Variants in SGF29 observed in about 807,000 individuals in gnomAD.
The protein encoded by SGF29 is SAGA complex associated factor 29.
In SGF29, 15 loss-of-function variants were observed where a neutral mutation model predicts 38.1. The ratio of observed to expected loss-of-function variants is 0.39; its 90% CI spans 0.26 to 0.61. SGF29 has a LOEUF of 0.61. Ranked by LOEUF, SGF29 falls within the 20% of genes least tolerant of loss-of-function variation. The pLI is 0.49. For missense variants in SGF29, 184 were observed against 394.6 expected, an observed-to-expected ratio of 0.47 and a Z score of 4.52; for synonymous variants, 151 against 160.8, an observed-to-expected ratio of 0.94 and a Z score of 0.46.
At chr16:28,564,596 C>CGT (rs1567285705) in intron 1 of SGF29, among the ~76,000 whole-genome samples, 134 of 109,086 alleles carry the variant, frequency 1.2e-3, no homozygotes, top group African/African-American at 4.1e-3. Context: ...TATATACACA[C>CGT]ATATATGTGT....
At chr16:28,569,802 C>G (rs1002319867) in intron 1 of SGF29, among the ~76,000 whole-genome samples, 1 of 152,156 alleles carries the variant, frequency 6.6e-6, no homozygotes, top group African/African-American at 2.4e-5. Context: ...GGGCTGTCAC[C>G]CCCATCACAG....
At chr16:28,575,416 C>T (rs1305663504) in intron 1 of SGF29, among the ~76,000 whole-genome samples, 1 of 152,240 alleles carries the variant, frequency 6.6e-6, no homozygotes, top group African/African-American at 2.4e-5. Flanking sequence ...CACGGTGGCT[C>T]ACACCTATAA....
chr16:28,588,570 C>CTT, intron 4 of SGF29: 49 of 348,190 alleles, frequency 1.4e-4, no homozygotes, highest in East Asian at 2.6e-4. Context: ...TTCCAGTTTT[C>CTT]TTTTTTTTTT....
chr16:28,566,934 T>A (rs1368109859), intron 1 of SGF29, among the ~76,000 whole-genome samples: 5 of 152,162 alleles, frequency 3.3e-5, no homozygotes, highest in Non-Finnish European at 7.3e-5. Context: ...CCTCCCAAAC[T>A]GCTGCAATTA....
intron 1 of SGF29, among the ~76,000 whole-genome samples, chr16:28,560,244 T>A (rs2046778617): frequency 7.0e-6 from 1 of 143,248 alleles, no homozygotes; most frequent in Non-Finnish European, 1.5e-5. Flanking sequence ...ACCACGAAAA[T>A]TTTAAAATAT....
chr16:28,585,553 G>C, intron 3 of SGF29, 95 bp from the exon 4 acceptor site: 3 of 1,139,036 alleles, frequency 2.6e-6, no homozygotes, highest in South Asian at 1.2e-5. Context: ...CGGCCTCTCT[G>C]TGCCTCCACG....
At chr16:28,561,607 T>A (rs188210642) in intron 1 of SGF29, among the ~76,000 whole-genome samples, 82 of 152,184 alleles carry the variant, frequency 5.4e-4, no homozygotes, top group Non-Finnish European at 9.1e-4. Context: ...TCTAAGTCAG[T>A]GGGAACACGA....
intron 9 of SGF29, 127 bp downstream of exon 9, chr16:28,591,062 C>T: frequency 8.4e-7 from 1 of 1,195,464 alleles, no homozygotes; most frequent in Non-Finnish European, 1.1e-6. Context: ...ACAGGACCCA[C>T]CAGCTGCCCT....
Position 28,591,580 on chromosome 16 carries a change from T to C in SGF29, c.766-10T>C. 1 of 1,601,670 alleles carries C rather than the reference T, an allele frequency of 6.2e-7. No homozygotes were observed. The stretch of plus-strand genomic sequence containing the variant: ...CTCTGAGCAGCCCCTCCTGTCTGCC[T>C]GCCCCACAGCCCCAGGATGACTACT... On this transcript the variant is annotated splice_polypyrimidine_tract_variant and intron_variant, in intron 9 of 9. Coordinates refer to ENST00000317058, the MANE Select transcript of SGF29 (RefSeq NM_138414.3).
chr16:28,567,489 G>T (rs1053178178), intron 1 of SGF29, among the ~76,000 whole-genome samples: 2 of 152,128 alleles, frequency 1.3e-5, no homozygotes, highest in African/African-American at 4.8e-5. Flanking sequence ...AAGACAAATT[G>T]GTACCAGAAG....
intron 2 of SGF29, among the ~76,000 whole-genome samples, chr16:28,583,145 T>A (rs1051461888): frequency 2.0e-5 from 3 of 152,250 alleles, no homozygotes; most frequent in Non-Finnish European, 4.4e-5. Flanking sequence ...AGGCACCCAG[T>A]GTAACTGACC....
chr16:28,563,919 G>C (rs1269573365), intron 1 of SGF29, among the ~76,000 whole-genome samples: 1 of 151,942 alleles, frequency 6.6e-6, no homozygotes, highest in Non-Finnish European at 1.5e-5. Context: ...GCTAATTTTT[G>C]TATTTTTAGT....
intron 1 of SGF29, among the ~76,000 whole-genome samples, chr16:28,575,519 A>G (rs145645032): frequency 6.6e-6 from 1 of 152,100 alleles, no homozygotes; most frequent in African/African-American, 2.4e-5. Flanking sequence ...TGTCTCTACT[A>G]AAAGAAATAC....
intron 2 of SGF29, among the ~76,000 whole-genome samples, chr16:28,583,396 C>G (rs2046937948): frequency 6.6e-6 from 1 of 152,186 alleles, no homozygotes; most frequent in East Asian, 1.9e-4. Flanking sequence ...CCCCCCAACC[C>G]CAATCCATTC....
chr16:28,564,645 G>GTA (rs571636951), intron 1 of SGF29, among the ~76,000 whole-genome samples: 4,189 of 100,900 alleles, frequency 0.042, 203 homozygotes, highest in African/African-American at 0.064. Context: ...GTATATATGT[G>GTA]TATATATACG....
intron 2 of SGF29, among the ~76,000 whole-genome samples, chr16:28,582,160 C>T (rs942835191): frequency 6.6e-6 from 1 of 152,130 alleles, no homozygotes; most frequent in African/African-American, 2.4e-5. Flanking sequence ...TAGACGTAAC[C>T]TGGAGAGTAA....
At chr16:28,572,417 G>A (rs963763871) in intron 1 of SGF29, among the ~76,000 whole-genome samples, 10 of 151,848 alleles carry the variant, frequency 6.6e-5, no homozygotes, top group African/African-American at 2.2e-4. Flanking sequence ...TACAGGCACC[G>A]GCCACCACGC....
At chr16:28,587,179 A>AC (rs760113012) in intron 4 of SGF29, among the ~76,000 whole-genome samples, 1 of 152,178 alleles carries the variant, frequency 6.6e-6, no homozygotes, top group African/African-American at 2.4e-5. Flanking sequence ...CTTGGGAGAT[A>AC]CTTTTGAGAC....
chr16:28,571,933 G>A (rs912195569), intron 1 of SGF29, among the ~76,000 whole-genome samples: 2 of 152,222 alleles, frequency 1.3e-5, no homozygotes, highest in African/African-American at 4.8e-5. Flanking sequence ...GGGAAGAAAA[G>A]ATACACCAAT....
Sources: gnomAD v4.1 joint callset for allele counts (sites outside exome capture counted in the v4.1 genomes callset) on GRCh38, gnomAD v4.1.1 for gene constraint, MANE v1.5 for transcripts, NCBI Gene and HGNC (gene_info 2026-07-23, HGNC 2026-07-21) for gene names.